The following PRDM16 variants were observed in gnomAD, a reference collection of about 807,000 sequenced individuals.
PRDM16 encodes the protein PR/SET domain 16.
A neutral mutation model predicts 110.6 loss-of-function variants in PRDM16; 23 were observed. The ratio of observed to expected loss-of-function variants is 0.21; its 90% CI spans 0.15 to 0.29. The LOEUF (loss-of-function observed/expected upper bound fraction) is 0.29, where lower values mean the gene tolerates loss of function less well. Among genes scored for constraint, PRDM16 ranks in the 10% least tolerant of loss-of-function variants. PRDM16 has a pLI of 1.00. For missense variants in PRDM16, 1,615 were observed against 1,794.3 expected (o/e 0.90, Z 1.81); for synonymous variants, 799 against 781.8 (o/e 1.02, Z -0.37).
intron 15 of PRDM16, among the ~76,000 whole-genome samples, chr1:3,431,628 T>TGGGAGAGGGAGCCCC (rs1638771536): frequency 6.6e-6 from 1 of 150,742 alleles, no homozygotes; most frequent in South Asian, 2.1e-4. Context: ...CCCTGAGTCC[T>TGGGAGAGGGAGCCCC]GGGAGAGGGA....
chr1:3,160,258 G>A (rs756379647), intron 1 of PRDM16, among the ~76,000 whole-genome samples: 36 of 152,230 alleles, frequency 2.4e-4, no homozygotes, highest in Non-Finnish European at 4.7e-4. Flanking sequence ...GGCAGGATGT[G>A]TTGGAGGGAG....
chr1:3,095,403 G>T (rs961953256), intron 1 of PRDM16, among the ~76,000 whole-genome samples: 2 of 152,160 alleles, frequency 1.3e-5, no homozygotes, highest in Non-Finnish European at 2.9e-5. Context: ...TACCCTCATG[G>T]GTCAGATGGA....
rs576523020 is a variant in PRDM16, at chr1:3,421,978, GGACAGACAGGCA to G, written c.2939+3244_2939+3255del. On this transcript the variant is annotated intron_variant, in intron 12 of 16. Coordinates refer to ENST00000270722, the MANE Select transcript of PRDM16 (RefSeq NM_022114.4). ...CAGACAGGAAGACAGACAGGCAGGCGGACAGACAGGCAGACAGACAGACAGGCAAACAGGCAG... is the reference window on the plus strand; with the variant it reads ...CAGACAGGAAGACAGACAGGCAGGCGGACAGACAGACAGGCAAACAGGCAG... Among the ~76,000 whole-genome samples the G allele has an allele frequency of 8.7e-3, 1,185 of 135,552 alleles. 6 individuals are homozygous for G. The highest frequency in any genetic ancestry group is 0.014 in the Non-Finnish European group (902 of 63,638). The allele number at this position is 135,552 out of a possible 152,430, so 88.9% of individuals were successfully genotyped here. A position where few individuals can be genotyped will look rare whatever the true frequency, so the allele number is the denominator to read the frequency against.
chr1:3,142,543 G>A (rs1378355465), intron 1 of PRDM16, among the ~76,000 whole-genome samples: 6 of 152,262 alleles, frequency 3.9e-5, no homozygotes, highest in East Asian at 3.9e-4. Context: ...CCTCACCTGC[G>A]GCGTCATCCA....
chr1:3,269,790 C>CCCGGAGGAGGACAGTTGGGAGGAGAG (rs1282869851), intron 3 of PRDM16, among the ~76,000 whole-genome samples: 1 of 145,290 alleles, frequency 6.9e-6, no homozygotes, highest in Non-Finnish European at 1.5e-5. Context: ...GGAGGAAAGT[C>CCCGGAGGAGGACAGTTGGGAGGAGAG]TCAGAGGAGG....
intron 1 of PRDM16, among the ~76,000 whole-genome samples, chr1:3,118,906 A>G (rs1354882005): frequency 6.6e-6 from 1 of 152,204 alleles, no homozygotes; most frequent in African/African-American, 2.4e-5. Context: ...CCATCAAAGA[A>G]AGGCCTGGGA....
At chr1:3,189,507 G>A (rs139478785) in intron 2 of PRDM16, among the ~76,000 whole-genome samples, 29 of 152,356 alleles carry the variant, frequency 1.9e-4, no homozygotes, top group South Asian at 2.1e-4. Flanking sequence ...CGTGCGTGTC[G>A]TCTCTGATGG....
chr1:3,370,904 A>G lies in PRDM16; in HGVS notation c.439-14248A>G, dbSNP rs1005988086. On this transcript the variant is annotated intron_variant, in intron 3 of 16. Transcript: ENST00000270722. This position sits in a 1 kb window ranked among gnomAD's most constrained non-coding sequence, Gnocchi z 4.8. ...CCACCCATCCACCATCCATTCATCC[A>G]TCCATCCATCCATGCATCCACTGAA... Among the ~76,000 whole-genome samples the G allele has an allele frequency of 6.8e-6, 1 of 147,692 alleles. No individual in the cohort carries two copies. The highest frequency in any genetic ancestry group is 1.5e-5 in the Non-Finnish European group (1 of 67,088).
intron 1 of PRDM16, among the ~76,000 whole-genome samples, chr1:3,074,094 C>A (rs1641834585): frequency 6.6e-6 from 1 of 152,196 alleles, no homozygotes; most frequent in African/African-American, 2.4e-5. Flanking sequence ...CCAGGGTAGA[C>A]CCGCCTGCCC....
intron 1 of PRDM16, among the ~76,000 whole-genome samples, chr1:3,128,523 C>G (rs965850516): frequency 6.6e-6 from 1 of 152,144 alleles, no homozygotes; most frequent in African/African-American, 2.4e-5. Flanking sequence ...CACAGTGGCT[C>G]CATTTTCTCC....
intron 1 of PRDM16, among the ~76,000 whole-genome samples, chr1:3,145,015 C>T (rs1643618928): frequency 6.6e-6 from 1 of 152,184 alleles, no homozygotes; most frequent in Non-Finnish European, 1.5e-5. Flanking sequence ...CAGCCTCAGC[C>T]CCTCTGCCCA....
rs143663576 is a variant in PRDM16, at chr1:3,263,228, G to A, written c.438+19091G>A. On this transcript the variant is annotated intron_variant, in intron 3 of 16. Coordinates refer to ENST00000270722, the MANE Select transcript of PRDM16 (RefSeq NM_022114.4). ...ATGGGAAAGCCTGGCCTGAGAACAC[G>A]GTGAGCTGAGGCTGAGGGCCGGGAC... 2.7e-3 allele frequency among the ~76,000 whole-genome samples: 412 copies of A among 152,308 alleles called. 5 individuals carry two copies. The highest frequency in any genetic ancestry group is 8.9e-3 in the African/African-American group (371 of 41,556).
At chr1:3,406,584 T>G (rs533494958) in intron 8 of PRDM16, among the ~76,000 whole-genome samples, 56 of 152,208 alleles carry the variant, frequency 3.7e-4, no homozygotes, top group Admixed American at 8.5e-4. Context: ...AAAAAAATTT[T>G]TTTTTTAATT....
chr1:3,136,247 C>A (rs1391678974), intron 1 of PRDM16, among the ~76,000 whole-genome samples: 5 of 152,222 alleles, frequency 3.3e-5, no homozygotes. Flanking sequence ...ACCTGCCCAG[C>A]CTGCACTTCC....
chr1:3,266,375 G>C (rs909529504), intron 3 of PRDM16, among the ~76,000 whole-genome samples: 1 of 152,184 alleles, frequency 6.6e-6, no homozygotes, highest in Admixed American at 6.5e-5. Flanking sequence ...AATGCGCGCC[G>C]GAGCCTTTTC....
rs1025215075 is a variant in PRDM16 at position 3,390,837 on chromosome 1, T to G, written c.573+5551T>G. On this transcript the variant is annotated intron_variant, in intron 4 of 16. Coordinates refer to ENST00000270722, the MANE Select transcript of PRDM16 (RefSeq NM_022114.4). The surrounding 1 kb of genome is among the most constrained non-coding windows in gnomAD (Gnocchi z 5.0). ...TTGCTTTTATCTCTCACAGTGTGTT[T>G]TTTTTTTTTTTTTTTTAGACAGAGT... 2.7e-5 allele frequency among the ~76,000 whole-genome samples: 4 copies of G among 148,896 alleles called. No individual in the cohort carries two copies. Among genetic ancestry groups the G allele is most frequent in the South Asian group, 2.2e-4 (1 of 4,636 alleles).
At chr1:3,393,672 G>C (rs1408376847) in intron 4 of PRDM16, among the ~76,000 whole-genome samples, 2 of 152,182 alleles carry the variant, frequency 1.3e-5, no homozygotes, top group African/African-American at 2.4e-5. Flanking sequence ...TGGCGTTCTC[G>C]GCGCGTCTGG....
chr1:3,173,092 C>T (rs1363164587), intron 1 of PRDM16, among the ~76,000 whole-genome samples: 1 of 152,228 alleles, frequency 6.6e-6, no homozygotes, highest in Non-Finnish European at 1.5e-5. Flanking sequence ...AGGCACCCCG[C>T]TCTGCTGCCG....
intron 3 of PRDM16, among the ~76,000 whole-genome samples, chr1:3,269,894 A>AAGTCCCAGAGGAGGAC (rs1324984814): frequency 1.9e-4 from 22 of 114,788 alleles, no homozygotes; most frequent in African/African-American, 8.1e-4. Context: ...CAGAGGAGGA[A>AAGTCCCAGAGGAGGAC]AGTCCCAGAG....
Sources: gnomAD v4.1 joint callset for allele counts (sites outside exome capture counted in the v4.1 genomes callset) on GRCh38, gnomAD v4.1.1 for gene constraint, Gnocchi (gnomAD v3.1) non-coding constraint, MANE v1.5 for transcripts, NCBI Gene and HGNC (gene_info 2026-07-23, HGNC 2026-07-21) for gene names.